Variants in PIWIL3 observed in about 807,000 individuals in gnomAD.
PIWIL3 encodes piwi like RNA-mediated gene silencing 3.
PIWIL3 carries 101 observed loss-of-function variants against 109.7 expected under a neutral mutation model. That is an observed-to-expected ratio of 0.92 (90% CI 0.78 to 1.09). The LOEUF (loss-of-function observed/expected upper bound fraction) is 1.09. PIWIL3 is among the 50% of genes least tolerant of loss of function. PIWIL3 has a pLI of 0.00. For missense variants in PIWIL3, 1,031 were observed against 1,072.6 expected, an observed-to-expected ratio of 0.96 and a Z score of 0.54; for synonymous variants, 373 against 376.4, an observed-to-expected ratio of 0.99 and a Z score of 0.10.
In PIWIL3 at chr22:24,756,685, G is replaced by C. The variant is rs76140045; in HGVS notation, c.376C>G (p.Gln126Glu). ...SKTGSEGTVV[Q>E]LLANHFRVIS... ...ACTCGGAAGTGGTTGGCGAGTAGCT[G>C]TACCACTGTACCCTCTGAACCTGAA... The change falls in exon 5 of 21, where the codon CAG becomes GAG. Residue 126 changes from glutamine to glutamate, a missense_variant. Gln to Glu is a conservative substitution (Grantham distance 29). Coordinates refer to ENST00000616349, the MANE Select transcript of PIWIL3 (RefSeq NM_001255975.1). The C allele has an allele frequency of 4.5e-4, 731 of 1,613,498 alleles. 3 individuals carry two copies. In the African/African-American group the frequency reaches 8.3e-3, roughly 18 times the overall value.
At chr22:24,766,784 C>T (rs1250493348) in intron 1 of PIWIL3, among the ~76,000 whole-genome samples, 1 of 152,046 alleles carries the variant, frequency 6.6e-6, no homozygotes, top group African/African-American at 2.4e-5. Context: ...TGAAATTGCA[C>T]CATTATCCTA....
chr22:24,728,503 G>C, intron 14 of PIWIL3, 129 bp from the exon 15 acceptor site: 1 of 1,020,310 alleles, frequency 9.8e-7, no homozygotes. Flanking sequence ...GAAAATATAT[G>C]AGCCCAAGAG....
chr22:24,737,292 C>A (rs1476416219), intron 12 of PIWIL3, among the ~76,000 whole-genome samples: 1 of 152,166 alleles, frequency 6.6e-6, no homozygotes, highest in Non-Finnish European at 1.5e-5. Flanking sequence ...GTGAGGCTCC[C>A]ATTCTGGACC....
chr22:24,720,112 A>AT (rs1291245367), intron 19 of PIWIL3, among the ~76,000 whole-genome samples: 1 of 152,094 alleles, frequency 6.6e-6, no homozygotes, highest in African/African-American at 2.4e-5. Context: ...CTCTCGTGGG[A>AT]TTTTGCCTTC....
chr22:24,760,802 A>AAAAAAAAAAAAAAAAAAAAAAAAC (rs1569110985), intron 2 of PIWIL3, among the ~76,000 whole-genome samples: 1 of 149,446 alleles, frequency 6.7e-6, no homozygotes, highest in Admixed American at 6.7e-5. Context: ...AAAAAAAAAA[A>AAAAAAAAAAAAAAAAAAAAAAAAC]AGCTGTGACA....
chr22:24,772,902 G>A (rs895820733), intron 1 of PIWIL3, among the ~76,000 whole-genome samples: 1 of 152,146 alleles, frequency 6.6e-6, no homozygotes, highest in Admixed American at 6.5e-5. Context: ...CAGTTATCTG[G>A]ACCTCAAGCC....
intron 1 of PIWIL3, among the ~76,000 whole-genome samples, chr22:24,771,820 AC>A (rs1926150287): frequency 6.7e-6 from 1 of 150,196 alleles, no homozygotes; most frequent in East Asian, 2.0e-4. Context: ...TGCAACCTCC[AC>A]CTCCCCGGTT....
At position 24,753,995 on chromosome 22, in the gene PIWIL3, T is replaced by G. The variant is rs1410530534; in HGVS notation, c.977+19A>C. ...GGGGAGTTAAAGTGATTGGATAGGT[T>G]TTTAAAAGACAGACTTACTTTGTCA... On this transcript the variant is annotated intron_variant, in intron 8 of 20. Transcript: ENST00000616349. The G allele has an allele frequency of 3.2e-6, 5 of 1,572,348 alleles. No individual in the cohort carries two copies. In the African/African-American group the frequency reaches 5.4e-5, roughly 17 times the overall value.
chr22:24,759,102 C>T (rs1187858247), intron 3 of PIWIL3, among the ~76,000 whole-genome samples: 2 of 152,164 alleles, frequency 1.3e-5, no homozygotes, highest in Non-Finnish European at 2.9e-5. Flanking sequence ...CCATGTTGGC[C>T]AATCTGGTCT....
intron 18 of PIWIL3, among the ~76,000 whole-genome samples, chr22:24,724,544 C>A (rs532477870): frequency 2.6e-5 from 4 of 152,046 alleles, no homozygotes; most frequent in Admixed American, 2.6e-4. Context: ...AAGTGATTCT[C>A]CTGCCTCAGC....
intron 12 of PIWIL3, among the ~76,000 whole-genome samples, chr22:24,748,128 C>G (rs961785519): frequency 1.3e-5 from 2 of 152,116 alleles, no homozygotes; most frequent in African/African-American, 4.8e-5. Context: ...CTGTCATTTG[C>G]AACAAGGCTG....
intron 18 of PIWIL3, among the ~76,000 whole-genome samples, chr22:24,724,135 T>G (rs990725482): frequency 6.6e-6 from 1 of 152,140 alleles, no homozygotes; most frequent in Non-Finnish European, 1.5e-5. Flanking sequence ...GAACGTAAAA[T>G]CAAAGCAGAA....
chr22:24,736,108 G>A (rs1338953543), intron 12 of PIWIL3, among the ~76,000 whole-genome samples: 2 of 152,144 alleles, frequency 1.3e-5, no homozygotes, highest in African/African-American at 2.4e-5. Flanking sequence ...CCATTGCAGG[G>A]GAGATGGCTC....
intron 16 of PIWIL3, 88 bp from the exon 17 acceptor site, chr22:24,725,603 TATCAGTAGTTAAGG>T: frequency 8.0e-7 from 1 of 1,243,532 alleles, no homozygotes; most frequent in Non-Finnish European, 1.2e-6. Flanking sequence ...AAAATATTAC[TATCAGTAGTTAAGG>T]ACATTTTAGC....
chr22:24,721,192 G>A lies in PIWIL3; in HGVS notation c.2358-1297C>T, dbSNP rs80251755. On this transcript the variant is annotated intron_variant, in intron 19 of 20. Coordinates refer to ENST00000616349, the MANE Select transcript of PIWIL3 (RefSeq NM_001255975.1). ...CACTGTCACCCTTGATAAGTTAGCCGGGTATCAAATTCTAGCTTGATGGTT... is the reference window on the plus strand; with the variant it reads ...CACTGTCACCCTTGATAAGTTAGCCAGGTATCAAATTCTAGCTTGATGGTT... 2.9e-3 allele frequency among the ~76,000 whole-genome samples: 436 copies of A among 152,218 alleles called. 4 individuals carry two copies. Among genetic ancestry groups the A allele is most frequent in the African/African-American group, 9.6e-3 (399 of 41,526 alleles).
intron 11 of PIWIL3, 93 bp from the exon 12 acceptor site, chr22:24,749,114 A>C: frequency 6.8e-6 from 7 of 1,034,586 alleles, no homozygotes; most frequent in Non-Finnish European, 9.9e-6. Context: ...TCCAAGGTTC[A>C]CCATCACTTG....
intron 1 of PIWIL3, among the ~76,000 whole-genome samples, chr22:24,772,911 C>T (rs117841213): frequency 0.015 from 2,315 of 152,290 alleles, 29 homozygotes; most frequent in Middle Eastern, 0.037. Context: ...GGACCTCAAG[C>T]CCCCATGTGC....
chr22:24,747,546 C>T (rs1364778163), intron 12 of PIWIL3, among the ~76,000 whole-genome samples: 1 of 152,122 alleles, frequency 6.6e-6, no homozygotes, highest in Non-Finnish European at 1.5e-5. Context: ...TTGCAAACTA[C>T]CTGTCTGACA....
rs148653989 is a variant in PIWIL3, at chr22:24,721,290, G to A, written c.2358-1395C>T. Among the ~76,000 whole-genome samples the A allele has an allele frequency of 2.4e-3, 372 of 152,188 alleles. 2 individuals carry two copies. Among genetic ancestry groups the A allele is most frequent in the Admixed American group, 5.4e-3 (82 of 15,270 alleles). On this transcript the variant is annotated intron_variant, in intron 19 of 20. Transcript: ENST00000616349. ...TTGCTGAATGTGATTTTTATTGTTTGTAAATATATTATTCCTGTGGTTGCT... is the reference window on the plus strand; with the variant it reads ...TTGCTGAATGTGATTTTTATTGTTTATAAATATATTATTCCTGTGGTTGCT...
Sources: gnomAD v4.1 joint callset for allele counts (sites outside exome capture counted in the v4.1 genomes callset) on GRCh38, gnomAD v4.1.1 for gene constraint, MANE v1.5 for transcripts, NCBI Gene and HGNC (gene_info 2026-07-23, HGNC 2026-07-21) for gene names.